Variants in JAKMIP1 observed in about 807,000 individuals in gnomAD.
JAKMIP1 encodes janus kinase and microtubule interacting protein 1, also known as janus kinase and microtubule-interacting protein 1.
Under a neutral mutation model 113.0 loss-of-function variants are expected in JAKMIP1, and 33 were observed. That is an observed-to-expected ratio of 0.29 (90% confidence interval 0.22 to 0.39). The LOEUF is 0.39. Among genes scored for constraint, JAKMIP1 ranks in the 10% least tolerant of loss-of-function variants. The pLI is 1.00. For missense variants in JAKMIP1, 813 were observed against 1,080.5 expected, an observed-to-expected ratio of 0.75 and a Z score of 3.47; for synonymous variants, 480 against 459.9, an observed-to-expected ratio of 1.04 and a Z score of -0.56.
At chr4:6,172,018 C>T (rs747771135) in intron 1 of JAKMIP1, among the ~76,000 whole-genome samples, 1 of 152,160 alleles carries the variant, frequency 6.6e-6, no homozygotes, top group African/African-American at 2.4e-5. Context: ...CAAGCTCCCC[C>T]ACGTGATACC....
intron 3 of JAKMIP1, among the ~76,000 whole-genome samples, chr4:6,103,432 G>C (rs562885040): frequency 6.6e-6 from 1 of 152,206 alleles, no homozygotes; most frequent in Non-Finnish European, 1.5e-5. Flanking sequence ...TCGTACTCTT[G>C]TATCTATGTT....
rs1003935368 is a variant in JAKMIP1, at chr4:6,197,814, G to C, written c.-148+2439C>G. Among the ~76,000 whole-genome samples the C allele has an allele frequency of 6.6e-6, 1 of 152,252 alleles. No individual in the cohort carries two copies. The highest frequency in any genetic ancestry group is 1.5e-5 in the Non-Finnish European group (1 of 68,044). ...AGACACAAGGTCCCACCCTCGAGGA[G>C]TTAAACAGATAGCCATAGCCTGCAG... On this transcript the variant is annotated intron_variant, in intron 1 of 20. Coordinates refer to ENST00000409021, the MANE Select transcript of JAKMIP1 (RefSeq NM_001099433.2). The surrounding 1 kb of genome is among the most constrained non-coding windows in gnomAD (Gnocchi z 6.5).
chr4:6,147,044 T>G (rs562051126), intron 1 of JAKMIP1, among the ~76,000 whole-genome samples: 88 of 152,278 alleles, frequency 5.8e-4, no homozygotes, highest in African/African-American at 1.8e-3. Flanking sequence ...CTGCAACCTC[T>G]GCCTCCTGGG....
rs545842438 is a variant in JAKMIP1, at chr4:6,170,685, T to G, written c.-148+29568A>C. ...ATCCCACCACCCTTCTCACCTCCAC[T>G]GTCACCCTCCTTAACACCATCACCA... On this transcript the variant is annotated intron_variant, in intron 1 of 20. Coordinates refer to ENST00000409021, the MANE Select transcript of JAKMIP1 (RefSeq NM_001099433.2). Among the ~76,000 whole-genome samples, 898 of 144,830 alleles carry G rather than the reference T, an allele frequency of 6.2e-3. 12 individuals carry two copies. The highest frequency in any genetic ancestry group is 0.022 in the African/African-American group (866 of 38,634).
rs1726779042 is a variant in JAKMIP1, at chr4:6,187,493, C to T, written c.-148+12760G>A. 1.3e-5 allele frequency among the ~76,000 whole-genome samples: 2 copies of T among 152,226 alleles called. No individual in the cohort carries two copies. The highest frequency in any genetic ancestry group is 2.9e-5 in the Non-Finnish European group (2 of 68,046). ...TAGCATTAGAAGGTGAGGCGTTTGG[C>T]AAGTGATTAGGTCACGAGGGCGAGC... On this transcript the variant is annotated intron_variant, in intron 1 of 20. Coordinates refer to ENST00000409021, the MANE Select transcript of JAKMIP1 (RefSeq NM_001099433.2). This position sits in a 1 kb window ranked among gnomAD's most constrained non-coding sequence, Gnocchi z 4.2.
intron 2 of JAKMIP1, among the ~76,000 whole-genome samples, chr4:6,112,375 C>G (rs1715076211): frequency 6.6e-6 from 1 of 152,212 alleles, no homozygotes; most frequent in African/African-American, 2.4e-5. Flanking sequence ...TGAACCTGTT[C>G]TGTTCTGGGG....
rs549780655 is a variant in JAKMIP1, at chr4:6,137,606, G to T, written c.-147-24609C>A. 6.6e-6 allele frequency among the ~76,000 whole-genome samples: 1 copy of T among 152,176 alleles called. No homozygotes were observed. The highest frequency in any genetic ancestry group is 1.5e-5 in the Non-Finnish European group (1 of 68,036). ...TTTTCAGCCAATCCACACTCTCTCC[G>T]CACCTGGAGGCAATGACCCCCACAG... On this transcript the variant is annotated intron_variant, in intron 1 of 20. Transcript: ENST00000409021. The surrounding 1 kb of genome is among the most constrained non-coding windows in gnomAD (Gnocchi z 4.5).
chr4:6,161,910 TC>T (rs111596251), intron 1 of JAKMIP1, among the ~76,000 whole-genome samples: 1,926 of 152,334 alleles, frequency 0.013, 19 homozygotes, highest in South Asian at 0.046. Context: ...TTGAAAGCTT[TC>T]TTGCTGGGAC....
intron 19 of JAKMIP1, among the ~76,000 whole-genome samples, chr4:6,030,576 C>G (rs1338363073): frequency 1.3e-5 from 2 of 152,204 alleles, no homozygotes; most frequent in Non-Finnish European, 2.9e-5. Flanking sequence ...GGCTTCCGCC[C>G]CATCAAGGGC....
At position 6,116,382 on chromosome 4, in the gene JAKMIP1, C is replaced by T. The variant is rs1560213355; in HGVS notation, c.-147-3385G>A. Among the ~76,000 whole-genome samples, 2 of 152,044 alleles carry T rather than the reference C, an allele frequency of 1.3e-5. No homozygotes were observed. Among genetic ancestry groups the T allele is most frequent in the African/African-American group, 4.8e-5 (2 of 41,390 alleles). Reference sequence around the variant, plus strand: ...ACTGCCCACCAAGCAGGAGATGGCACAGCCCACTGTCGAGGAAGGAGCACA... The same window carrying T: ...ACTGCCCACCAAGCAGGAGATGGCATAGCCCACTGTCGAGGAAGGAGCACA... On this transcript the variant is annotated intron_variant, in intron 1 of 20. Coordinates refer to ENST00000409021, the MANE Select transcript of JAKMIP1 (RefSeq NM_001099433.2). The surrounding 1 kb of genome is among the most constrained non-coding windows in gnomAD (Gnocchi z 5.1).
At chr4:6,114,849 C>T (rs1337552036) in intron 1 of JAKMIP1, among the ~76,000 whole-genome samples, 1 of 152,232 alleles carries the variant, frequency 6.6e-6, no homozygotes, top group Non-Finnish European at 1.5e-5. Flanking sequence ...TGAAGTGCAC[C>T]TCCCCATGCC....
rs1223593260 is a variant in JAKMIP1 at position 6,153,744 on chromosome 4, T to TCCC, written c.-147-40750_-147-40748dup. Among the ~76,000 whole-genome samples the TCCC allele has an allele frequency of 6.6e-6, 1 of 152,184 alleles. No individual in the cohort carries two copies. Among genetic ancestry groups the TCCC allele is most frequent in the Non-Finnish European group, 1.5e-5 (1 of 68,028 alleles). ...TTCAGCCTTATTCTAAGCAAAAATA[T>TCCC]CCCCCAAATCATAGGCTTCAGGTGC... On this transcript the variant is annotated intron_variant, in intron 1 of 20. Coordinates refer to ENST00000409021, the MANE Select transcript of JAKMIP1 (RefSeq NM_001099433.2). This position sits in a 1 kb window ranked among gnomAD's most constrained non-coding sequence, Gnocchi z 4.9.
At chr4:6,148,785 C>T (rs1721194759) in intron 1 of JAKMIP1, among the ~76,000 whole-genome samples, 1 of 152,264 alleles carries the variant, frequency 6.6e-6, no homozygotes, top group Non-Finnish European at 1.5e-5. Flanking sequence ...GCCAGGACCT[C>T]GTCTGCCAGC....
At chr4:6,133,136 CA>C (rs1560245946) in intron 1 of JAKMIP1, among the ~76,000 whole-genome samples, 1 of 151,786 alleles carries the variant, frequency 6.6e-6, no homozygotes, top group Admixed American at 6.6e-5. Flanking sequence ...AACAGAACAC[CA>C]AAAAAACCTC....
chr4:6,189,584 G>T (rs183851929), intron 1 of JAKMIP1, among the ~76,000 whole-genome samples: 2 of 152,322 alleles, frequency 1.3e-5, no homozygotes, highest in Admixed American at 1.3e-4. Context: ...CATTGCCCTG[G>T]CCAGGCTGTG....
chr4:6,044,389 G>C lies in JAKMIP1; in HGVS notation c.2029-2162C>G, dbSNP rs150275633. ...TGAACAGAGGGGACTAGAACTGATC[G>C]GCTCCTGCCACAGAACTCCTTCCCT... is the stretch of plus-strand genomic sequence containing the variant. On this transcript the variant is annotated intron_variant, in intron 16 of 20. Transcript: ENST00000409021. This position sits in a 1 kb window ranked among gnomAD's most constrained non-coding sequence, Gnocchi z 4.4. Among the ~76,000 whole-genome samples, 2,910 of 152,048 alleles carry C rather than the reference G, an allele frequency of 0.019. 30 individuals are homozygous for C. The highest frequency in any genetic ancestry group is 0.032 in the Non-Finnish European group (2,173 of 67,978).
intron 1 of JAKMIP1, among the ~76,000 whole-genome samples, chr4:6,128,563 GA>G (rs145280985): frequency 0.34 from 51,338 of 151,826 alleles, 10,549 homozygotes; most frequent in East Asian, 0.57. Context: ...TCTTCAAGTG[GA>G]AAAAAAATGA....
intron 1 of JAKMIP1, among the ~76,000 whole-genome samples, chr4:6,152,789 A>AATATATATATATATATATATACATAT (rs755506728): frequency 5.2e-5 from 7 of 135,278 alleles, no homozygotes; most frequent in Non-Finnish European, 1.1e-4. Context: ...TAAAAATACA[A>AATATATATATATATATATATACATAT]ATATATATAT....
At position 6,157,822 on chromosome 4, in the gene JAKMIP1, G is replaced by GA. The variant is rs201106801; in HGVS notation, c.-148+42430dup. Among the ~76,000 whole-genome samples the GA allele has an allele frequency of 5.6e-3, 857 of 152,290 alleles. 9 individuals carry two copies. The highest frequency in any genetic ancestry group is 0.019 in the African/African-American group (805 of 41,550). On this transcript the variant is annotated intron_variant, in intron 1 of 20. Coordinates refer to ENST00000409021, the MANE Select transcript of JAKMIP1 (RefSeq NM_001099433.2). This position sits in a 1 kb window ranked among gnomAD's most constrained non-coding sequence, Gnocchi z 4.7. ...GGACCGTAGAGTCGAGAATTCTGAT[G>GA]AAAAAACTTAAATTAGATGCCAACA...
Sources: gnomAD v4.1 joint callset for allele counts (sites outside exome capture counted in the v4.1 genomes callset) on GRCh38, gnomAD v4.1.1 for gene constraint, Gnocchi (gnomAD v3.1) non-coding constraint, MANE v1.5 for transcripts, NCBI Gene and HGNC (gene_info 2026-07-23, HGNC 2026-07-21) for gene names.